TENM3: variants seen among roughly 807,000 people sequenced by gnomAD.
TENM3 encodes teneurin transmembrane protein 3.
A neutral mutation model predicts 255.1 loss-of-function variants in TENM3; 63 were observed. That is an observed-to-expected ratio of 0.25 (90% CI 0.20 to 0.30). TENM3 has a LOEUF of 0.30. TENM3 is among the 10% of genes least tolerant of loss of function. The pLI is 1.00. For synonymous variants in TENM3, 1,306 were observed against 1,322.3 expected, an observed-to-expected ratio of 0.99 and a Z score of 0.27; for missense variants, 2,929 against 3,461.1, an observed-to-expected ratio of 0.85 and a Z score of 3.86.
the TENM3 span, among the ~76,000 whole-genome samples, chr4:181,721,487 C>A: frequency 7.8e-6 from 1 of 127,660 alleles, no homozygotes. Context: ...GTAGTCCCAG[C>A]TACTCGGGAG....
At chr4:182,627,504 C>G in intron 4 of TENM3, among the ~76,000 whole-genome samples, 1 of 152,068 alleles carries the variant, frequency 6.6e-6, no homozygotes, top group East Asian at 1.9e-4. Context: ...TATGTCTTAT[C>G]TAAAATGACC....
intron 3 of TENM3, among the ~76,000 whole-genome samples, chr4:182,577,891 T>G (rs1745090373): frequency 6.6e-6 from 1 of 152,206 alleles, no homozygotes; most frequent in African/African-American, 2.4e-5. Context: ...ATTTATTGCC[T>G]TCCCTCCTGA....
At chr4:181,806,632 G>T in the TENM3 span, among the ~76,000 whole-genome samples, 4 of 152,208 alleles carry the variant, frequency 2.6e-5, no homozygotes, top group African/African-American at 7.2e-5. Context: ...CTTCAAGATG[G>T]CATCTCGGAA....
chr4:181,605,522 GAA>G, the TENM3 span, among the ~76,000 whole-genome samples: 31 of 18,354 alleles, frequency 1.7e-3, no homozygotes, highest in Admixed American at 6.1e-3. Context: ...AAGAAAGAAA[GAA>G]AGAAAGAAAG....
the TENM3 span, among the ~76,000 whole-genome samples, chr4:182,001,096 C>A: frequency 6.6e-6 from 1 of 151,112 alleles, no homozygotes; most frequent in South Asian, 2.1e-4. Flanking sequence ...CCACCACCAC[C>A]CACCAAGGTA....
intron 16 of TENM3, among the ~76,000 whole-genome samples, chr4:182,734,804 T>C (rs1301666147): frequency 6.6e-6 from 1 of 152,128 alleles, no homozygotes; most frequent in East Asian, 1.9e-4. Context: ...TGAACAAAAT[T>C]ACAGATATTA....
the TENM3 span, among the ~76,000 whole-genome samples, chr4:181,703,211 A>G: frequency 1.8e-4 from 28 of 152,088 alleles, no homozygotes; most frequent in African/African-American, 6.3e-4. Context: ...CACACCACAC[A>G]CCAGCCAAGT....
intron 16 of TENM3, among the ~76,000 whole-genome samples, chr4:182,734,724 G>T (rs1761036650): frequency 6.6e-6 from 1 of 152,146 alleles, no homozygotes; most frequent in Non-Finnish European, 1.5e-5. Context: ...ACTTTGGCTG[G>T]ATTTACCTTT....
chr4:181,651,060 G>T, the TENM3 span, among the ~76,000 whole-genome samples: 1 of 152,236 alleles, frequency 6.6e-6, no homozygotes, highest in African/African-American at 2.4e-5. Context: ...TGTCCATAAT[G>T]CCAGAAAGGT....
At chr4:182,523,165 TTG>T (rs573371837) in intron 3 of TENM3, among the ~76,000 whole-genome samples, 5 of 151,522 alleles carry the variant, frequency 3.3e-5, no homozygotes, top group African/African-American at 7.3e-5. Flanking sequence ...TTTTTTGTTT[TTG>T]TGTGTGTGTG....
the TENM3 span, among the ~76,000 whole-genome samples, chr4:181,629,179 T>C: frequency 6.6e-6 from 1 of 152,218 alleles, no homozygotes; most frequent in African/African-American, 2.4e-5. Context: ...TTTTGCACAT[T>C]GATTTTGTAT....
the TENM3 span, among the ~76,000 whole-genome samples, chr4:182,069,887 G>C: frequency 1.3e-5 from 2 of 152,104 alleles, no homozygotes; most frequent in Non-Finnish European, 2.9e-5. Flanking sequence ...AGTTAAACAG[G>C]CTGTTGTAAT....
At chr4:181,820,288 G>C in the TENM3 span, 1 of 152,116 alleles carries the variant, frequency 6.6e-6, no homozygotes, top group Admixed American at 6.5e-5. Flanking sequence ...ATTCCGCTTT[G>C]TTTTTGGCTG....
chr4:181,791,420 T>A, the TENM3 span, among the ~76,000 whole-genome samples: 6 of 152,228 alleles, frequency 3.9e-5, no homozygotes, highest in Non-Finnish European at 7.3e-5. Context: ...AATCATAATT[T>A]TATAAAATGA....
intron 1 of TENM3, among the ~76,000 whole-genome samples, chr4:182,175,334 T>TATATATAC (rs1554026230): frequency 6.8e-5 from 10 of 146,122 alleles, no homozygotes; most frequent in African/African-American, 2.2e-4. Context: ...TATATATATA[T>TATATATAC]ACACACAAGT....
chr4:182,359,111 T>C (rs1242451290), intron 3 of TENM3, among the ~76,000 whole-genome samples: 3 of 151,958 alleles, frequency 2.0e-5, no homozygotes, highest in Non-Finnish European at 2.9e-5. Flanking sequence ...TGCTGCTGGA[T>C]TCGGTTTGCC....
the TENM3 span, among the ~76,000 whole-genome samples, chr4:181,836,351 C>T: frequency 0.55 from 83,431 of 151,868 alleles, 24,526 homozygotes; most frequent in East Asian, 0.74. Context: ...CACTCTCCAC[C>T]CCTACCTCCA....
chr4:182,363,754 G>T (rs1561368168), intron 3 of TENM3, among the ~76,000 whole-genome samples: 1 of 152,036 alleles, frequency 6.6e-6, no homozygotes, highest in African/African-American at 2.4e-5. Flanking sequence ...TTATGACTTT[G>T]TGAAAAAATT....
chr4:181,719,494 CT>C, the TENM3 span, among the ~76,000 whole-genome samples: 15 of 152,290 alleles, frequency 9.8e-5, no homozygotes, highest in Admixed American at 2.6e-4. Flanking sequence ...TGAAGGCTTT[CT>C]TCCTCATAGG....
Sources: gnomAD v4.1 joint callset for allele counts (sites outside exome capture counted in the v4.1 genomes callset) on GRCh38, gnomAD v4.1.1 for gene constraint, MANE v1.5 for transcripts, NCBI Gene and HGNC (gene_info 2026-07-23, HGNC 2026-07-21) for gene names.